The following THBS3 variants were observed in gnomAD, a reference collection of about 807,000 sequenced individuals.
THBS3 encodes thrombospondin 3, also known as thrombospondin-3.
THBS3 carries 78 observed loss-of-function variants against 118.3 expected under a neutral mutation model. The ratio of observed to expected loss-of-function variants is 0.66; its 90% CI spans 0.55 to 0.80. The LOEUF is 0.80. THBS3 is among the 30% of genes least tolerant of loss of function. The pLI is 0.00. For synonymous variants in THBS3, 427 were observed against 475.3 expected (o/e 0.90, Z 1.32); for missense variants, 1,057 against 1,247.4 (o/e 0.85, Z 2.30).
chr1:155,197,924 A>G lies in THBS3; in HGVS notation c.2258T>C (p.Met753Thr), dbSNP rs777560483. ...ACTGTTCATGGTCTGAACGATTTCCATGCCCTGGGGTTGTATAGTAAAGAA... is the reference window on the plus strand; with the variant it reads ...ACTGTTCATGGTCTGAACGATTTCCGTGCCCTGGGGTTGTATAGTAAAGAA... ...DPNWVVLNQGMEIVQTMNSDP... is the reference protein window; with the variant it reads ...DPNWVVLNQGTEIVQTMNSDP... Residue 753 changes from methionine (M) to threonine (T), a missense_variant, in exon 19 of 23, where the codon ATG becomes ACG. Coordinates refer to ENST00000368378, the MANE Select transcript of THBS3 (RefSeq NM_007112.5). This position sits in a 1 kb window ranked among gnomAD's most constrained non-coding sequence, Gnocchi z 5.0. The G allele has an allele frequency of 1.1e-5, 18 of 1,614,034 alleles. No individual in the cohort carries two copies. Among genetic ancestry groups the G allele is most frequent in the South Asian group, 2.2e-5 (2 of 91,092 alleles).
rs1668563560 is a variant in THBS3, at chr1:155,195,815, G to T, written c.*26C>A. On this transcript the variant is annotated 3_prime_UTR_variant, in exon 23 of 23. Coordinates refer to ENST00000368378, the MANE Select transcript of THBS3 (RefSeq NM_007112.5). ...CCAAGGCCAAAGGGTCTAAAATTCTGAATTCTGAATCTGGTGGCCTCCTCC... is the reference window on the plus strand; with the variant it reads ...CCAAGGCCAAAGGGTCTAAAATTCTTAATTCTGAATCTGGTGGCCTCCTCC... 4 of 1,612,540 alleles carry T rather than the reference G, an allele frequency of 2.5e-6. No homozygotes were observed. Among genetic ancestry groups the T allele is most frequent in the African/African-American group, 1.3e-5 (1 of 74,988 alleles).
In THBS3 at chr1:155,197,064, G is replaced by T. The variant is rs762696603; in HGVS notation, c.2649C>A (p.His883Gln). The T allele has an allele frequency of 1.4e-5, 23 of 1,613,908 alleles. No individual in the cohort carries two copies. Among genetic ancestry groups the T allele is most frequent in the Non-Finnish European group, 1.9e-5 (22 of 1,179,972 alleles). The change falls in exon 21 of 23, where the codon CAC (histidine) becomes CAA (glutamine). Residue 883 changes from histidine (H) to glutamine (Q), a missense_variant. By Grantham distance (24) the His-to-Gln change is conservative. This residue lies in a region of THBS3 where 307 missense variants were observed against 326.1 expected (regional missense o/e 0.94). Transcript: ENST00000368378. The surrounding 1 kb of genome is among the most constrained non-coding windows in gnomAD (Gnocchi z 5.0). ...ACCGAATGTAGCCAACTTGAGGCCG[G>T]TGCAGAAGCTGCCAGCGATAGGAGG... ...DKTSYRWQLL[H>Q]RPQVGYIRVK...
rs771613498 is a variant in THBS3, at chr1:155,203,216, C to T, written c.756+7G>A. On this transcript the variant is annotated splice_region_variant and intron_variant, in intron 6 of 22. Coordinates refer to ENST00000368378, the MANE Select transcript of THBS3 (RefSeq NM_007112.5). ...ATCAGTGCCACCCTTCGCCAGCCCA[C>T]CCAAACCTGGTCTCGTATATCATCC... 2 of 1,614,236 alleles carry T rather than the reference C, an allele frequency of 1.2e-6. No individual in the cohort carries two copies. The highest frequency in any genetic ancestry group is 1.7e-6 in the Non-Finnish European group (2 of 1,180,046).
rs371870279 is a variant in THBS3, at chr1:155,199,750, G to A, written c.1880+54C>T. ...AGCCTAGGTGACAGAGCAAGACTCC[G>A]TCTCAGAAAGACAAAAAAAAGAAAG... On this transcript the variant is annotated intron_variant, in intron 16 of 22. Transcript: ENST00000368378. 59 of 1,599,570 alleles carry A rather than the reference G, an allele frequency of 3.7e-5. No homozygotes were observed. The African/African-American group carries it at 3.9e-4, about 11-fold the overall frequency.
chr1:155,208,627 T>G (rs570891424), upstream of THBS3: 1 of 659,760 alleles, frequency 1.5e-6, no homozygotes, highest in African/African-American at 1.9e-5. Context: ...GTGACCCGGA[T>G]GAAGCAGAGG....
chr1:155,197,542 A>G lies in THBS3; in HGVS notation c.2420T>C (p.Val807Ala), dbSNP rs1481657353. The change falls in exon 20 of 23, where the codon GTC (valine) becomes GCC (alanine). Residue 807 changes from valine to alanine, a missense_variant. This residue lies in a region of THBS3 where 307 missense variants were observed against 326.1 expected (regional missense o/e 0.94). Coordinates refer to ENST00000368378, the MANE Select transcript of THBS3 (RefSeq NM_007112.5). This position sits in a 1 kb window ranked among gnomAD's most constrained non-coding sequence, Gnocchi z 5.0. ...SYQDSGRFYV[V>A]MWKQTEQTYW... is the part of the protein sequence containing the mutation. The stretch of plus-strand genomic sequence containing the variant: ...GGTCTGCTCGGTCTGCTTCCACATG[A>G]CTACGTAGAAGCGGCCACTGTCTTG... 6.2e-7 allele frequency: 1 copy of G among 1,614,050 alleles called. No individual in the cohort carries two copies. The highest frequency in any genetic ancestry group is 1.7e-4 in the Middle Eastern group (1 of 6,058).
chr1:155,200,827 G>C lies in THBS3; in HGVS notation c.1548+70C>G, dbSNP rs1206041616. 3.1e-6 allele frequency: 5 copies of C among 1,612,246 alleles called. No individual in the cohort carries two copies. The East Asian group carries it at 1.1e-4, about 36-fold the overall frequency. ...CCTTACTAGAGAGCTGCCAGATGAGGTAAGTGAGGCACAGAGAGGACAGGA... is the reference window on the plus strand; with the variant it reads ...CCTTACTAGAGAGCTGCCAGATGAGCTAAGTGAGGCACAGAGAGGACAGGA... On this transcript the variant is annotated intron_variant, in intron 13 of 22. Transcript: ENST00000368378.
chr1:155,199,486 G>T (rs1228768647), intron 16 of THBS3, among the ~76,000 whole-genome samples: 1 of 151,506 alleles, frequency 6.6e-6, no homozygotes, highest in Non-Finnish European at 1.5e-5. Context: ...TGGCACAGTG[G>T]CTCACACCTG....
rs1461101660 is a variant in THBS3, at chr1:155,200,624, T to G, written c.1549-14A>C. 12 of 1,524,882 alleles carry G rather than the reference T, an allele frequency of 7.9e-6. No homozygotes were observed. The highest frequency in any genetic ancestry group is 1.0e-5 in the Non-Finnish European group (11 of 1,099,848). 94.5% of individuals were successfully genotyped at this position (1,524,882 alleles called of 1,614,324 possible). A position where few individuals can be genotyped will look rare whatever the true frequency, so the allele number is the denominator to read the frequency against. On this transcript the variant is annotated splice_polypyrimidine_tract_variant and intron_variant, in intron 13 of 22. Coordinates refer to ENST00000368378, the MANE Select transcript of THBS3 (RefSeq NM_007112.5). ...CCGGCAGTTGTCCTGGGCAGAGGGG[T>G]GGGAGGGGAAGGGTCAGGTCTCCCC...
In THBS3 at chr1:155,198,601, C is replaced by T. The variant is rs779094112; in HGVS notation, c.1882G>A (p.Asp628Asn). Residue 628 changes from aspartate to asparagine, a missense_variant and splice_region_variant, in exon 17 of 23, where the codon GAT becomes AAT. By Grantham distance (23) the Asp-to-Asn change is conservative (BLOSUM62 1). Around this residue, in one of 3 missense-constraint regions of THBS3, gnomAD observed 544 missense variants for 715.6 expected, o/e 0.76. Transcript: ENST00000368378. ...GDVCDTNEDS[D>N]GDGHQDTKDN... ...TTGGTGTCCTGATGCCCATCCCCATCGCTAATCAGAAGAACAGGTACCAAA... is the reference window on the plus strand; with the variant it reads ...TTGGTGTCCTGATGCCCATCCCCATTGCTAATCAGAAGAACAGGTACCAAA... 4 of 1,613,570 alleles carry T rather than the reference C, an allele frequency of 2.5e-6. No homozygotes were observed. The highest frequency in any genetic ancestry group is 1.7e-5 in the Admixed American group (1 of 59,990).
chr1:155,200,010 C>T lies in THBS3; in HGVS notation c.1812G>A (p.Met604Ile), dbSNP rs1669438396. ...CTCCCTGTACCTGGGTAGGATTGCT[C>T]ATTTCAGGGCAGCTGTCGCAAGCAT... is the stretch of plus-strand genomic sequence containing the variant. Reference protein sequence around the residue: ...VGDACDSCPEMSNPTQTDADS... With the variant: ...VGDACDSCPEISNPTQTDADS... Residue 604 changes from methionine (M) to isoleucine (I), a missense_variant, in exon 15 of 23, where the codon ATG becomes ATA. Physicochemically the swap from Met to Ile is conservative, Grantham distance 10. This residue lies in a region of THBS3 where 544 missense variants were observed against 715.6 expected (regional missense o/e 0.76). Transcript: ENST00000368378. 3.1e-6 allele frequency: 5 copies of T among 1,599,328 alleles called. No homozygotes were observed. In the South Asian group the frequency reaches 3.4e-5, roughly 11 times the overall value.
rs1668855311 is a variant in THBS3, at chr1:155,197,409, A to G, written c.2499+54T>C. On this transcript the variant is annotated intron_variant, in intron 20 of 22. Coordinates refer to ENST00000368378, the MANE Select transcript of THBS3 (RefSeq NM_007112.5). This position sits in a 1 kb window ranked among gnomAD's most constrained non-coding sequence, Gnocchi z 5.0. Reference sequence around the variant, plus strand: ...GCAGTGGGGGAGGCCCTGGGGCTGCAGAGGAGAGCTTTGGGAAAGGGCCCT... The same window carrying G: ...GCAGTGGGGGAGGCCCTGGGGCTGCGGAGGAGAGCTTTGGGAAAGGGCCCT... 4 of 1,587,556 alleles carry G rather than the reference A, an allele frequency of 2.5e-6. No individual in the cohort carries two copies. Among genetic ancestry groups the G allele is most frequent in the Non-Finnish European group, 3.4e-6 (4 of 1,165,226 alleles).
rs768913300 is a variant in THBS3 at position 155,198,084 on chromosome 1, C to G, written c.2211G>C (p.Glu737Asp). 6.2e-7 allele frequency: 1 copy of G among 1,614,186 alleles called. No individual in the cohort carries two copies. Among genetic ancestry groups the G allele is most frequent in the South Asian group, 1.1e-5 (1 of 91,084 alleles). ...RAYQTVVLDP[E>D]GDAQIDPNWV... The stretch of plus-strand genomic sequence containing the variant: ...AGTTTGGGTCAATCTGAGCATCACC[C>G]TCAGGATCCAGGACGACGGTCTGAT... Residue 737 changes from glutamate to aspartate, a missense_variant, in exon 18 of 23, where the codon GAG becomes GAC. Transcript: ENST00000368378.
At chr1:155,196,482 C>T in intron 21 of THBS3, 1 of 295,764 alleles carries the variant, frequency 3.4e-6, no homozygotes. Context: ...CAGCCCCAGG[C>T]ACCTTAAAGG....
chr1:155,203,569 GGGTGA>G (rs770001183), intron 4 of THBS3, 30 bp from the exon 5 acceptor site: 1 of 1,612,976 alleles, frequency 6.2e-7, no homozygotes, highest in Non-Finnish European at 8.5e-7. Context: ...ATAGTCAGAG[GGGTGA>G]GGTGAAGTGA....
chr1:155,205,347 T>A (rs893440487), intron 2 of THBS3, 31 bp from the exon 3 acceptor site: 1 of 1,600,468 alleles, frequency 6.2e-7, no homozygotes, highest in African/African-American at 1.3e-5. Flanking sequence ...GTATGGGCGC[T>A]ATCCCCCACC....
In THBS3 at chr1:155,197,113, C is replaced by G; in HGVS notation, c.2600G>C (p.Arg867Pro). Reference sequence around the variant, plus strand: ...GGTCTTGTCCCGCCAGCCCACATTTCGTGGGTCTGTCCACAGCAGTCGTAC... The same window carrying G: ...GGTCTTGTCCCGCCAGCCCACATTTGGTGGGTCTGTCCACAGCAGTCGTAC... Reference protein sequence around the residue: ...DQVRLLWTDPRNVGWRDKTSY... With the variant: ...DQVRLLWTDPPNVGWRDKTSY... Residue 867 changes from arginine to proline, a missense_variant, in exon 21 of 23, where the codon CGA becomes CCA. This residue lies in a region of THBS3 where 307 missense variants were observed against 326.1 expected (regional missense o/e 0.94). Coordinates refer to ENST00000368378, the MANE Select transcript of THBS3 (RefSeq NM_007112.5). The surrounding 1 kb of genome is among the most constrained non-coding windows in gnomAD (Gnocchi z 5.0). 1 of 1,614,198 alleles carries G rather than the reference C, an allele frequency of 6.2e-7. No individual in the cohort carries two copies. Among genetic ancestry groups the G allele is most frequent in the Non-Finnish European group, 8.5e-7 (1 of 1,180,044 alleles).
chr1:155,200,017 G>A lies in THBS3; in HGVS notation c.1805C>T (p.Pro602Leu), dbSNP rs1404030423. ...DGVGDACDSC[P>L]EMSNPTQTDA... Reference sequence around the variant, plus strand: ...TACCTGGGTAGGATTGCTCATTTCAGGGCAGCTGTCGCAAGCATCTCCCAC... The same window carrying A: ...TACCTGGGTAGGATTGCTCATTTCAAGGCAGCTGTCGCAAGCATCTCCCAC... The change falls in exon 15 of 23, where the codon CCT (proline) becomes CTT (leucine). Residue 602 changes from proline to leucine, a missense_variant. This residue lies in a region of THBS3 where 544 missense variants were observed against 715.6 expected (regional missense o/e 0.76). Transcript: ENST00000368378. 1.2e-6 allele frequency: 2 copies of A among 1,600,670 alleles called. No individual in the cohort carries two copies. The highest frequency in any genetic ancestry group is 2.2e-5 in the South Asian group (2 of 89,162).
chr1:155,199,777 C>G, intron 16 of THBS3, 27 bp downstream of exon 16: 5 of 1,613,322 alleles, frequency 3.1e-6, no homozygotes, highest in Non-Finnish European at 4.2e-6. Context: ...AAAAGAAAGA[C>G]CTTGCGTCTC....
Sources: allele counts gnomAD v4.1 joint callset (sites outside exome capture counted in the v4.1 genomes callset), GRCh38; gene constraint gnomAD v4.1.1; regional missense constraint gnomAD v4.1.1; non-coding constraint Gnocchi (gnomAD v3.1); transcripts MANE v1.5; gene names NCBI Gene and HGNC (gene_info 2026-07-23, HGNC 2026-07-21).